Variants in DENND4C observed in about 807,000 individuals in gnomAD.
DENND4C encodes DENN domain-containing protein 4C.
DENND4C carries 108 observed loss-of-function variants against 203.0 expected under a neutral mutation model. That is an observed-to-expected ratio of 0.53 (90% confidence interval 0.46 to 0.62). The LOEUF is 0.62. DENND4C is among the 20% of genes least tolerant of loss of function. The pLI is 0.00. For missense variants in DENND4C, 2,481 were observed against 2,301.2 expected (o/e 1.08, Z -1.60); for synonymous variants, 871 against 792.4 (o/e 1.10, Z -1.67).
At chr9:19,319,516 T>G (rs1052140267) in intron 12 of DENND4C, among the ~76,000 whole-genome samples, 2 of 149,628 alleles carry the variant, frequency 1.3e-5, no homozygotes, top group Admixed American at 1.3e-4. Context: ...GAAAAAAGAT[T>G]AGATGGTACA....
At chr9:19,347,551 T>C (rs1823184580) in intron 23 of DENND4C, among the ~76,000 whole-genome samples, 1 of 152,236 alleles carries the variant, frequency 6.6e-6, no homozygotes, top group Admixed American at 6.5e-5. Context: ...TTTAAAAATA[T>C]GTGAAGGATT....
intron 1 of DENND4C, among the ~76,000 whole-genome samples, chr9:19,245,807 G>C (rs144889892): frequency 1.3e-5 from 2 of 148,252 alleles, no homozygotes; most frequent in African/African-American, 5.0e-5. Context: ...GGTGAGCAGA[G>C]ATCATGCCAT....
chr9:19,288,960 A>G (rs1718373662), intron 4 of DENND4C, among the ~76,000 whole-genome samples: 1 of 152,238 alleles, frequency 6.6e-6, no homozygotes, highest in Admixed American at 6.5e-5. Context: ...AGTATAATGG[A>G]AAGTTGCTGA....
rs956086593 is a variant in DENND4C at position 19,282,520 on chromosome 9, C to T, written c.306-4249C>T. On this transcript the variant is annotated intron_variant, in intron 2 of 32. Coordinates refer to ENST00000434457, the MANE Select transcript of DENND4C (RefSeq NM_001330640.2). ...CTGCTTGCCTTGGCCTCCCAAAGTG[C>T]TGGGATTACAGGCATGTGCCACCAC... Among the ~76,000 whole-genome samples the T allele has an allele frequency of 5.7e-5, 8 of 141,310 alleles. No individual in the cohort carries two copies. In the East Asian group the frequency reaches 8.4e-4, roughly 15 times the overall value. The allele number at this position is 141,310 out of a possible 152,430, so 92.7% of individuals were successfully genotyped here. A position where few individuals can be genotyped will look rare whatever the true frequency, so the allele number is the denominator to read the frequency against.
chr9:19,371,717 T>C, intron 31 of DENND4C, 39 bp from the exon 32 acceptor site: 1 of 1,047,702 alleles, frequency 9.5e-7, no homozygotes, highest in Non-Finnish European at 1.4e-6. Flanking sequence ...GTTTTTATGC[T>C]ATTTGCCCAT....
chr9:19,261,357 A>G (rs1176101782), intron 1 of DENND4C, among the ~76,000 whole-genome samples: 3 of 151,004 alleles, frequency 2.0e-5, no homozygotes. Context: ...GTGGCTCCAT[A>G]TAAATTTTAG....
Position 19,260,650 on chromosome 9 carries a change from G to C in DENND4C, c.-17-15508G>C, listed in dbSNP as rs117702896. Among the ~76,000 whole-genome samples the C allele has an allele frequency of 3.1e-3, 467 of 152,210 alleles. 22 individuals are homozygous for C. The East Asian group carries it at 0.081, about 27-fold the overall frequency. On this transcript the variant is annotated intron_variant, in intron 1 of 32. Transcript: ENST00000434457. Reference sequence around the variant, plus strand: ...TCACCTAGGTGATCCACCCGCCTTGGTCTCCCAAAGTGCTGTAATTACAGG... The same window carrying C: ...TCACCTAGGTGATCCACCCGCCTTGCTCTCCCAAAGTGCTGTAATTACAGG...
intron 1 of DENND4C, among the ~76,000 whole-genome samples, chr9:19,258,829 A>T (rs1037657936): frequency 4.0e-5 from 6 of 151,766 alleles, no homozygotes; most frequent in Admixed American, 1.3e-4. Context: ...TAATTTTTGT[A>T]TTTTTATTAG....
At chr9:19,372,011 A>C (rs1444153847) in intron 32 of DENND4C, 26 bp from the exon 33 acceptor site, 1 of 1,599,290 alleles carries the variant, frequency 6.3e-7, no homozygotes, top group East Asian at 2.2e-5. Context: ...ACAAATTACA[A>C]CTTCATTTTT....
intron 1 of DENND4C, among the ~76,000 whole-genome samples, chr9:19,273,813 G>A (rs1354990610): frequency 6.6e-6 from 1 of 151,912 alleles, no homozygotes; most frequent in African/African-American, 2.4e-5. Context: ...TCTCAAAGCT[G>A]ACAAGAGTGA....
chr9:19,345,989 A>C lies in DENND4C; in HGVS notation c.3220A>C (p.Asn1074His). ...AGATGCAGTCTTTGGCGAAGCTACT[A>C]ATCTCAAGAAGAATGGTGATAGAGG... ...VEDAVFGEATNLKKNGDRGEK... is the reference protein window; with the variant it reads ...VEDAVFGEATHLKKNGDRGEK... The change falls in exon 23 of 33, where the codon AAT (asparagine) becomes CAT (histidine). Residue 1074 changes from asparagine (N) to histidine (H), a missense_variant. Asn to His is a moderately conservative substitution (Grantham distance 68). This residue lies in a region of DENND4C where 2,289 missense variants were observed against 2,113.3 expected (regional missense o/e 1.08). Coordinates refer to ENST00000434457, the MANE Select transcript of DENND4C (RefSeq NM_001330640.2). 1 of 1,614,118 alleles carries C rather than the reference A, an allele frequency of 6.2e-7. No individual in the cohort carries two copies.
At position 19,352,155 on chromosome 9, in the gene DENND4C, T is replaced by C; in HGVS notation, c.4578T>C (p.Ser1526=). Residue 1526 remains serine, a synonymous_variant, in exon 25 of 33, where the codon TCT becomes TCC. Transcript: ENST00000434457. ...DHGSSQNTSM[S]SIYQNCAMEV... is the part of the protein sequence containing the mutation. ...GTTCTTCTCAAAATACCAGCATGTC[T>C]AGCATCTATCAGAATTGTGCAATGG... The C allele has an allele frequency of 6.2e-7, 1 of 1,613,894 alleles. No individual in the cohort carries two copies. The highest frequency in any genetic ancestry group is 8.5e-7 in the Non-Finnish European group (1 of 1,179,870).
intron 1 of DENND4C, among the ~76,000 whole-genome samples, chr9:19,235,277 T>C (rs572257952): frequency 2.0e-4 from 30 of 152,340 alleles, no homozygotes; most frequent in Non-Finnish European, 3.8e-4. Flanking sequence ...AAGTCGACTT[T>C]CTTTGAATTA....
intron 12 of DENND4C, among the ~76,000 whole-genome samples, chr9:19,317,296 A>C (rs1176265595): frequency 6.6e-6 from 1 of 151,598 alleles, no homozygotes; most frequent in East Asian, 1.9e-4. Context: ...CTGGGATTAC[A>C]GGTGTGAGCC....
At chr9:19,335,941 T>C (rs1198747286) in intron 18 of DENND4C, among the ~76,000 whole-genome samples, 2 of 152,180 alleles carry the variant, frequency 1.3e-5, no homozygotes, top group East Asian at 3.8e-4. Context: ...TCTATACTGT[T>C]TGTGAGGAAT....
At chr9:19,359,151 A>C (rs1825960930) in intron 28 of DENND4C, among the ~76,000 whole-genome samples, 1 of 151,878 alleles carries the variant, frequency 6.6e-6, no homozygotes, top group African/African-American at 2.4e-5. Flanking sequence ...TTTTCAAAAT[A>C]GCGAGTTGAG....
chr9:19,307,489 G>T (rs549156802), intron 10 of DENND4C, among the ~76,000 whole-genome samples: 8 of 151,442 alleles, frequency 5.3e-5, no homozygotes, highest in Non-Finnish European at 1.2e-4. Context: ...TAAGAAATAG[G>T]CCGGGCACAG....
At chr9:19,260,436 C>T (rs928788747) in intron 1 of DENND4C, among the ~76,000 whole-genome samples, 1 of 145,142 alleles carries the variant, frequency 6.9e-6, no homozygotes, top group African/African-American at 2.6e-5. Flanking sequence ...CTTGCTGTGT[C>T]ACCCAGGCTG....
At chr9:19,302,706 A>C (rs1240505167) in intron 9 of DENND4C, among the ~76,000 whole-genome samples, 1 of 152,186 alleles carries the variant, frequency 6.6e-6, no homozygotes, top group East Asian at 1.9e-4. Context: ...GCCCTTCAGC[A>C]ATCTGATCTT....
Sources: allele counts gnomAD v4.1 joint callset (sites outside exome capture counted in the v4.1 genomes callset), GRCh38; gene constraint gnomAD v4.1.1; regional missense constraint gnomAD v4.1.1; transcripts MANE v1.5; gene names NCBI Gene and HGNC (gene_info 2026-07-23, HGNC 2026-07-21).